Variants in CTNNA2 observed in about 807,000 individuals in gnomAD.
CTNNA2 encodes the protein catenin alpha 2, also known as catenin alpha-2.
CTNNA2 carries 42 observed loss-of-function variants against 101.0 expected under a neutral mutation model. That is an observed-to-expected ratio of 0.42 (90% CI 0.32 to 0.54). The LOEUF is 0.54. Ranked by LOEUF, CTNNA2 falls within the 20% of genes least tolerant of loss-of-function variation. The pLI is 0.14. For synonymous variants in CTNNA2, 450 were observed against 456.4 expected (o/e 0.99, Z 0.18); for missense variants, 871 against 1,223.1 (o/e 0.71, Z 4.29).
chr2:80,359,706 C>G (rs957587255), intron 7 of CTNNA2, among the ~76,000 whole-genome samples: 1 of 152,106 alleles, frequency 6.6e-6, no homozygotes, highest in African/African-American at 2.4e-5. Context: ...GCCCATTAAA[C>G]CTCTTCTCTT....
At chr2:80,443,027 C>T (rs982216997) in intron 9 of CTNNA2, among the ~76,000 whole-genome samples, 1 of 152,152 alleles carries the variant, frequency 6.6e-6, no homozygotes, top group Non-Finnish European at 1.5e-5. Flanking sequence ...CCTTTTTAAA[C>T]CTTCCTTTAG....
chr2:80,585,502 A>G (rs574097031), intron 14 of CTNNA2, among the ~76,000 whole-genome samples: 1 of 152,166 alleles, frequency 6.6e-6, no homozygotes, highest in East Asian at 1.9e-4. Context: ...GGGTAATCAT[A>G]TCATACAAAC....
At position 80,109,761 on chromosome 2, in the gene CTNNA2, G is replaced by A. The variant is rs1464568515; in HGVS notation, c.1056+199964G>A. On this transcript the variant is annotated intron_variant, in intron 7 of 18. Coordinates refer to ENST00000402739, the MANE Select transcript of CTNNA2 (RefSeq NM_001282597.3). ...GACTATTCATGGGGAGCTCTTCTGA[G>A]AACTGAGTTGGAACTCAGAGGCTGG... Among the ~76,000 whole-genome samples, 3 of 152,062 alleles carry A rather than the reference G, an allele frequency of 2.0e-5. No individual in the cohort carries two copies. In the East Asian group the frequency reaches 5.8e-4, roughly 29 times the overall value.
rs1821415 is a variant in CTNNA2 at position 79,991,998 on chromosome 2, A to C, written c.1056+82201A>C. On this transcript the variant is annotated intron_variant, in intron 7 of 18. Coordinates refer to ENST00000402739, the MANE Select transcript of CTNNA2 (RefSeq NM_001282597.3). Reference sequence around the variant, plus strand: ...ATTTGTTTTGTTTCTTTTGCACCACAAATGCCTTAAAAATCCAATCTTGGT... The same window carrying C: ...ATTTGTTTTGTTTCTTTTGCACCACCAATGCCTTAAAAATCCAATCTTGGT... 6.4e-3 allele frequency among the ~76,000 whole-genome samples: 959 copies of C among 150,720 alleles called. 35 individuals are homozygous for C. Among genetic ancestry groups the C allele is most frequent in the Admixed American group, 0.052 (796 of 15,240 alleles).
intron 7 of CTNNA2, among the ~76,000 whole-genome samples, chr2:80,129,321 T>A (rs1474445206): frequency 6.6e-6 from 1 of 152,328 alleles, no homozygotes; most frequent in East Asian, 1.9e-4. Flanking sequence ...GTAGCCTCCA[T>A]GCTCAGTAGC....
At chr2:80,131,758 TC>T (rs1313750946) in intron 7 of CTNNA2, among the ~76,000 whole-genome samples, 1 of 152,140 alleles carries the variant, frequency 6.6e-6, no homozygotes, top group Non-Finnish European at 1.5e-5. Context: ...TCAAGAGCAG[TC>T]CTTCTAACAG....
At chr2:79,438,283 A>G (rs1006877689) in intron 4 of CTNNA2, among the ~76,000 whole-genome samples, 1 of 152,034 alleles carries the variant, frequency 6.6e-6, no homozygotes, top group Admixed American at 6.6e-5. Context: ...TTTATTACAC[A>G]CTATGAACTG....
chr2:80,479,990 A>G (rs1024146918), intron 9 of CTNNA2, among the ~76,000 whole-genome samples: 2 of 152,098 alleles, frequency 1.3e-5, no homozygotes, highest in Admixed American at 6.6e-5. Flanking sequence ...TATTTTACTA[A>G]CCCTTCCTTT....
chr2:80,197,354 T>G (rs558241716), intron 7 of CTNNA2, among the ~76,000 whole-genome samples: 1 of 152,248 alleles, frequency 6.6e-6, no homozygotes, highest in African/African-American at 2.4e-5. Context: ...TGGATTATAA[T>G]GTATCGCTTC....
chr2:80,013,955 T>C (rs1307182192), intron 7 of CTNNA2, among the ~76,000 whole-genome samples: 1 of 152,124 alleles, frequency 6.6e-6, no homozygotes, highest in Non-Finnish European at 1.5e-5. Context: ...GTCTCTTTAT[T>C]TGCAGGAGGA....
chr2:79,722,756 T>C (rs1183824092), intron 2 of CTNNA2, among the ~76,000 whole-genome samples: 1 of 152,198 alleles, frequency 6.6e-6, no homozygotes, highest in Non-Finnish European at 1.5e-5. Flanking sequence ...AGTAGAGTCA[T>C]TGCCTGTGTC....
chr2:80,335,009 T>G (rs1293448002), intron 7 of CTNNA2, among the ~76,000 whole-genome samples: 3 of 152,192 alleles, frequency 2.0e-5, no homozygotes, highest in Admixed American at 6.5e-5. Flanking sequence ...GTTGAATGAA[T>G]TAAGAAAGAA....
chr2:80,544,584 T>G (rs560278514), intron 9 of CTNNA2, among the ~76,000 whole-genome samples: 36 of 152,224 alleles, frequency 2.4e-4, no homozygotes, highest in African/African-American at 8.4e-4. Flanking sequence ...GCCCAAATAA[T>G]TGCCTGTAGC....
intron 7 of CTNNA2, among the ~76,000 whole-genome samples, chr2:80,105,536 C>A (rs1558813733): frequency 1.3e-5 from 2 of 152,016 alleles, no homozygotes; most frequent in Admixed American, 1.3e-4. Flanking sequence ...CCAGCCTGGG[C>A]AACATAGTGA....
At chr2:79,273,220 T>A (rs572409263) in intron 2 of CTNNA2, among the ~76,000 whole-genome samples, 101 of 152,200 alleles carry the variant, frequency 6.6e-4, no homozygotes, top group African/African-American at 2.3e-3. Flanking sequence ...ATTACTCATT[T>A]TATCCTTAGG....
chr2:79,550,306 C>A (rs952007241), intron 1 of CTNNA2, among the ~76,000 whole-genome samples: 8 of 152,172 alleles, frequency 5.3e-5, no homozygotes, highest in Non-Finnish European at 1.2e-4. Context: ...TTAAATTGAG[C>A]AGTCACTGGA....
intron 1 of CTNNA2, among the ~76,000 whole-genome samples, chr2:79,186,690 T>C (rs1207684836): frequency 6.6e-6 from 1 of 152,176 alleles, no homozygotes; most frequent in African/African-American, 2.4e-5. Flanking sequence ...TTCAGGGAGT[T>C]TCTTTTTAAG....
chr2:79,878,479 T>C (rs563387389), intron 6 of CTNNA2, among the ~76,000 whole-genome samples: 1 of 152,300 alleles, frequency 6.6e-6, no homozygotes, highest in African/African-American at 2.4e-5. Context: ...CTAGCACCAA[T>C]TGCATCTATA....
intron 7 of CTNNA2, among the ~76,000 whole-genome samples, chr2:80,003,371 CTT>C (rs1297560115): frequency 6.6e-6 from 1 of 152,168 alleles, no homozygotes; most frequent in African/African-American, 2.4e-5. Context: ...GCCAAATAGA[CTT>C]AACTGCCAAC....
Sources: gnomAD v4.1 joint callset for allele counts (sites outside exome capture counted in the v4.1 genomes callset) on GRCh38, gnomAD v4.1.1 for gene constraint, MANE v1.5 for transcripts, NCBI Gene and HGNC (gene_info 2026-07-23, HGNC 2026-07-21) for gene names.